FAM149A: variants seen among roughly 807,000 people sequenced by gnomAD.
FAM149A encodes the protein family with sequence similarity 149 member A.
FAM149A carries 71 observed loss-of-function variants against 78.2 expected under a neutral mutation model. The observed-to-expected ratio is 0.91, with a 90% CI of 0.75 to 1.11. The LOEUF (loss-of-function observed/expected upper bound fraction) is 1.11. Ranked by LOEUF, FAM149A falls within the 50% of genes least tolerant of loss-of-function variation. The pLI is 0.00. For synonymous variants in FAM149A, 446 were observed against 410.5 expected (o/e 1.09, Z -1.04); for missense variants, 1,036 against 971.0 (o/e 1.07, Z -0.89).
At chr4:186,140,793 C>CT (rs1241747360) in intron 1 of FAM149A, among the ~76,000 whole-genome samples, 1 of 152,132 alleles carries the variant, frequency 6.6e-6, no homozygotes, top group East Asian at 1.9e-4. Context: ...ATCGTATGGA[C>CT]TAAGTACAGG....
At chr4:186,154,687 A>T (rs1212203021) in intron 6 of FAM149A, 49 bp downstream of exon 6, 1 of 1,547,766 alleles carries the variant, frequency 6.5e-7, no homozygotes, top group Non-Finnish European at 8.7e-7. Flanking sequence ...ATATTAATTT[A>T]TTTGACATTT....
intron 8 of FAM149A, chr4:186,160,718 A>G: frequency 1.1e-6 from 1 of 874,824 alleles, no homozygotes; most frequent in Non-Finnish European, 1.4e-6. Flanking sequence ...CACACCACAC[A>G]CACACCTCAC....
At position 186,104,764 on chromosome 4, in the gene FAM149A, C is replaced by CTG. The variant is rs1247201861; in HGVS notation, c.-313_-312insTG. Among the ~76,000 whole-genome samples the CTG allele has an allele frequency of 6.9e-5, 10 of 144,406 alleles. No homozygotes were observed. The highest frequency in any genetic ancestry group is 2.5e-4 in the African/African-American group (10 of 40,194). 94.7% of individuals were successfully genotyped at this position (144,406 alleles called of 152,430 possible). On this transcript the variant is annotated 5_prime_UTR_variant, in exon 1 of 14. Coordinates refer to ENST00000389354, the MANE Select transcript of FAM149A (RefSeq NM_001367768.3). ...ACCGCGGGCGGCGGGCGGCGGGCGG[C>CTG]GGGCGTCTGGGGCGGGCGGCGGCCG... is the stretch of plus-strand genomic sequence containing the variant.
chr4:186,162,810 C>CTT (rs56973296), intron 8 of FAM149A, 35 bp from the exon 9 acceptor site: 5,947 of 560,106 alleles, frequency 0.011, 39 homozygotes, highest in East Asian at 0.022. Context: ...ATTTGTAATT[C>CTT]TTTTTTTTTT....
Position 186,104,877 on chromosome 4 carries a change from G to A in FAM149A, c.-200G>A, listed in dbSNP as rs540512281. ...GCTGCTCTCCGCAGCCGGGGCGCTC[G>A]GCGGACGGACCCGGGCCGGGGAAGG... On this transcript the variant is annotated 5_prime_UTR_variant, in exon 1 of 14. Transcript: ENST00000389354. 3 of 837,452 alleles carry A rather than the reference G, an allele frequency of 3.6e-6. No individual in the cohort carries two copies. In the African/African-American group the frequency reaches 5.5e-5, roughly 15 times the overall value. 51.9% of individuals were successfully genotyped at this position (837,452 alleles called of 1,614,324 possible).
chr4:186,162,043 G>A (rs753863440), intron 8 of FAM149A, among the ~76,000 whole-genome samples: 4 of 152,310 alleles, frequency 2.6e-5, no homozygotes, highest in South Asian at 4.1e-4. Context: ...ATCCTAGTTG[G>A]TCATATTGTG....
intron 1 of FAM149A, among the ~76,000 whole-genome samples, chr4:186,120,610 G>C (rs2099315579): frequency 6.6e-6 from 1 of 151,400 alleles, no homozygotes; most frequent in Non-Finnish European, 1.5e-5. Context: ...TGGCCAATAT[G>C]GTGAAACCCT....
intron 9 of FAM149A, 98 bp from the exon 10 acceptor site, chr4:186,163,326 C>A: frequency 1.1e-6 from 1 of 905,966 alleles, no homozygotes. Flanking sequence ...GTTCTAGGTG[C>A]CAGACTGTTC....
chr4:186,165,385 C>T lies in FAM149A; in HGVS notation c.1931C>T (p.Thr644Met), dbSNP rs757355396. 12 of 1,614,068 alleles carry T rather than the reference C, an allele frequency of 7.4e-6. No individual in the cohort carries two copies. The highest frequency in any genetic ancestry group is 1.7e-5 in the Admixed American group (1 of 60,002). ...CACATGGCTTCCCCACTGGTTCAAA[C>T]GTCACGGAGCAGGTTCCCCCCGCTA... The change falls in exon 11 of 14, where the codon ACG (threonine) becomes ATG (methionine). Residue 644 changes from threonine to methionine, a missense_variant. Physicochemically the swap from Thr to Met is moderately conservative, Grantham distance 81 (BLOSUM62 -1). Transcript: ENST00000389354.
Position 186,174,439 on chromosome 4 carries a change from G to A in FAM149A, c.*2452G>A, listed in dbSNP as rs1341820937. Among the ~76,000 whole-genome samples, 2 of 111,506 alleles carry A rather than the reference G, an allele frequency of 1.8e-5. No individual in the cohort carries two copies. The highest frequency in any genetic ancestry group is 5.6e-5 in the African/African-American group (2 of 35,564). The allele number at this position is 111,506 out of a possible 152,430, so 73.2% of individuals were successfully genotyped here. A position where few individuals can be genotyped will look rare whatever the true frequency, so the allele number is the denominator to read the frequency against. The stretch of plus-strand genomic sequence containing the variant: ...ATTCTTTTTTATGAGCTCAAGCTTC[G>A]TAGTAGGGAAAACACCGGATATTCA... On this transcript the variant is annotated 3_prime_UTR_variant, in exon 14 of 14. Transcript: ENST00000389354.
rs1279527958 is a variant in FAM149A, at chr4:186,115,683, G to C, written c.566+10041G>C. Among the ~76,000 whole-genome samples the C allele has an allele frequency of 6.0e-4, 2 of 3,352 alleles. 1 individual carries two copies. Among genetic ancestry groups the C allele is most frequent in the African/African-American group, 6.3e-4 (2 of 3,172 alleles). The allele number at this position is 3,352 out of a possible 152,430, so 2.2% of individuals were successfully genotyped here. On this transcript the variant is annotated intron_variant, in intron 1 of 13. Coordinates refer to ENST00000389354, the MANE Select transcript of FAM149A (RefSeq NM_001367768.3). ...GAGGTGTCAGTGTGCCCCTGCTGGG[G>C]GGTGCCTCCCAGTTAGGCTGCTCGG...
rs1735652116 is a variant in FAM149A, at chr4:186,174,077, A to C, written c.*2090A>C. On this transcript the variant is annotated 3_prime_UTR_variant, in exon 14 of 14. Coordinates refer to ENST00000389354, the MANE Select transcript of FAM149A (RefSeq NM_001367768.3). Reference sequence around the variant, plus strand: ...ATCCAACTCCTTCCCTATTCAGTCCAAACTTCCTTTTTTTTTTTTTTTACT... The same window carrying C: ...ATCCAACTCCTTCCCTATTCAGTCCCAACTTCCTTTTTTTTTTTTTTTACT... Among the ~76,000 whole-genome samples, 2 of 94,824 alleles carry C rather than the reference A, an allele frequency of 2.1e-5. 1 individual carries two copies. The highest frequency in any genetic ancestry group is 4.7e-5 in the Non-Finnish European group (2 of 42,874). 62.2% of individuals were successfully genotyped at this position (94,824 alleles called of 152,430 possible).
Position 186,153,068 on chromosome 4 carries a change from A to G in FAM149A, c.933-577A>G, listed in dbSNP as rs183775402. The stretch of plus-strand genomic sequence containing the variant: ...ACCCTTAATAAGCCACCTGCCCTAA[A>G]GAGTATGATATGTCCACTAGATACT... On this transcript the variant is annotated intron_variant, in intron 4 of 13. Coordinates refer to ENST00000389354, the MANE Select transcript of FAM149A (RefSeq NM_001367768.3). Among the ~76,000 whole-genome samples, 5 of 152,086 alleles carry G rather than the reference A, an allele frequency of 3.3e-5. No individual in the cohort carries two copies. The East Asian group carries it at 9.7e-4, about 29-fold the overall frequency.
intron 9 of FAM149A, 98 bp from the exon 10 acceptor site, chr4:186,163,326 C>T: frequency 5.5e-6 from 5 of 905,968 alleles, no homozygotes; most frequent in Non-Finnish European, 9.1e-6. Context: ...GTTCTAGGTG[C>T]CAGACTGTTC....
At chr4:186,107,078 A>T (rs2150074154) in intron 1 of FAM149A, among the ~76,000 whole-genome samples, 1 of 152,370 alleles carries the variant, frequency 6.6e-6, no homozygotes, top group East Asian at 1.9e-4. Flanking sequence ...TTGCTTTTGG[A>T]AAACTCACTG....
At chr4:186,129,179 G>A (rs1435372929) in intron 1 of FAM149A, among the ~76,000 whole-genome samples, 2 of 151,794 alleles carry the variant, frequency 1.3e-5, no homozygotes, top group Admixed American at 1.3e-4. Flanking sequence ...GTGTCTCTGT[G>A]TCTGTGTATG....
At chr4:186,141,590 G>A (rs1439001074) in intron 1 of FAM149A, among the ~76,000 whole-genome samples, 1 of 152,190 alleles carries the variant, frequency 6.6e-6, no homozygotes, top group African/African-American at 2.4e-5. Context: ...AATGAATTAA[G>A]GAACTGTTCA....
Position 186,153,650 on chromosome 4 carries a change from T to A in FAM149A, c.938T>A (p.Leu313Ter). Residue 313 changes from leucine to a stop codon, truncating the protein, a stop_gained, in exon 5 of 14, where the codon TTA becomes TAA. Coordinates refer to ENST00000389354, the MANE Select transcript of FAM149A (RefSeq NM_001367768.3). LOFTEE classifies it high-confidence loss of function. ...GCTTCTCTTTGACCTCGCAGAGTAT[T>A]AGGAAGACAGCTGATCCTGCCCACT... is the stretch of plus-strand genomic sequence containing the variant. The A allele has an allele frequency of 6.2e-7, 1 of 1,613,980 alleles. No individual in the cohort carries two copies. The highest frequency in any genetic ancestry group is 1.1e-5 in the South Asian group (1 of 91,080).
At position 186,167,029 on chromosome 4, in the gene FAM149A, C is replaced by T. The variant is rs200559570; in HGVS notation, c.2072C>T (p.Ser691Leu). 111 of 1,614,044 alleles carry T rather than the reference C, an allele frequency of 6.9e-5. 1 individual carries two copies. The East Asian group carries it at 8.9e-4, about 13-fold the overall frequency. ...GCCATGCCTGACGGTACAGAACGAT[C>T]GCGTCTTCGAGAAAGAACAGCCACC... is the stretch of plus-strand genomic sequence containing the variant. Residue 691 changes from serine to leucine, a missense_variant, in exon 12 of 14, where the codon TCG becomes TTG. Coordinates refer to ENST00000389354, the MANE Select transcript of FAM149A (RefSeq NM_001367768.3).
Sources: gnomAD v4.1 joint callset for allele counts (sites outside exome capture counted in the v4.1 genomes callset) on GRCh38, gnomAD v4.1.1 for gene constraint, MANE v1.5 for transcripts, NCBI Gene and HGNC (gene_info 2026-07-23, HGNC 2026-07-21) for gene names.